ELAVL2: variants seen among roughly 807,000 people sequenced by gnomAD.
The protein encoded by ELAVL2 is ELAV like RNA binding protein 2, also known as ELAV-like protein 2.
Under a neutral mutation model 34.6 loss-of-function variants are expected in ELAVL2, and 4 were observed. The observed-to-expected ratio is 0.12, with a 90% CI of 0.06 to 0.26. The LOEUF is 0.26. ELAVL2 is among the 10% of genes least tolerant of loss of function. ELAVL2 has a pLI of 1.00. For missense variants in ELAVL2, 432 were observed against 442.8 expected, an observed-to-expected ratio of 0.98 and a Z score of 0.22; for synonymous variants, 193 against 154.8, an observed-to-expected ratio of 1.25 and a Z score of -1.83.
At chr9:23,766,200 A>T (rs762159622) in intron 1 of ELAVL2, among the ~76,000 whole-genome samples, 3 of 152,190 alleles carry the variant, frequency 2.0e-5, no homozygotes, top group Admixed American at 2.0e-4. Context: ...ATCTATCAAA[A>T]AGGATTAACA....
chr9:23,704,114 T>A (rs2038461139), intron 4 of ELAVL2, among the ~76,000 whole-genome samples: 1 of 122,100 alleles, frequency 8.2e-6, no homozygotes, highest in Non-Finnish European at 1.8e-5. Context: ...GTATTTTTAG[T>A]AGAGATGGGG....
intron 5 of ELAVL2, among the ~76,000 whole-genome samples, chr9:23,700,228 A>T (rs1328731786): frequency 1.3e-5 from 2 of 152,224 alleles, no homozygotes; most frequent in African/African-American, 4.8e-5. Context: ...AATTTTTAAA[A>T]ATCAGTGTGG....
chr9:23,791,951 A>G (rs776402075), intron 1 of ELAVL2, among the ~76,000 whole-genome samples: 13 of 152,268 alleles, frequency 8.5e-5, no homozygotes, highest in African/African-American at 1.2e-4. Flanking sequence ...CTGCCACCCA[A>G]TCTTTTCCTG....
intron 1 of ELAVL2, among the ~76,000 whole-genome samples, chr9:23,790,378 G>C (rs1361469159): frequency 6.6e-6 from 1 of 152,174 alleles, no homozygotes; most frequent in Non-Finnish European, 1.5e-5. Context: ...TTCCCAGTCT[G>C]TGACTGCACA....
At chr9:23,695,008 T>C (rs2132771220) in intron 5 of ELAVL2, among the ~76,000 whole-genome samples, 1 of 152,314 alleles carries the variant, frequency 6.6e-6, no homozygotes, top group African/African-American at 2.4e-5. Flanking sequence ...ATGGTCAACT[T>C]AGTCCAGAAT....
chr9:23,773,984 G>A lies in ELAVL2; in HGVS notation c.-15-11735C>T, dbSNP rs369006190. 1.4e-4 allele frequency among the ~76,000 whole-genome samples: 21 copies of A among 151,946 alleles called. No individual in the cohort carries two copies. The South Asian group carries it at 3.1e-3, about 23-fold the overall frequency. ...CCCTGCACTTTGGGAGGCCGAGGCGGGCAGATCACGAGGTCAGGATATCGA... is the reference window on the plus strand; with the variant it reads ...CCCTGCACTTTGGGAGGCCGAGGCGAGCAGATCACGAGGTCAGGATATCGA... On this transcript the variant is annotated intron_variant, in intron 1 of 6. Transcript: ENST00000397312.
At chr9:23,799,473 C>T (rs1754048) in intron 1 of ELAVL2, among the ~76,000 whole-genome samples, 10,269 of 152,256 alleles carry the variant, frequency 0.067, 1,107 homozygotes, top group African/African-American at 0.23. Context: ...ACTCTTACTC[C>T]ACCCCACCAC....
intron 1 of ELAVL2, among the ~76,000 whole-genome samples, chr9:23,778,557 T>C (rs1044986178): frequency 1.3e-5 from 2 of 152,146 alleles, no homozygotes; most frequent in African/African-American, 4.8e-5. Context: ...GCTCTCCCAA[T>C]ACAGCCTTAA....
Position 23,701,408 on chromosome 9 carries a change from T to C in ELAVL2, c.684A>G (p.Gly228=). 1.2e-6 allele frequency: 2 copies of C among 1,614,120 alleles called. No homozygotes were observed. Among genetic ancestry groups the C allele is most frequent in the South Asian group, 2.2e-5 (2 of 91,082 alleles). The change falls in exon 5 of 7, where the codon GGA becomes GGG. Residue 228 remains glycine, a synonymous_variant. Coordinates refer to ENST00000397312, the MANE Select transcript of ELAVL2 (RefSeq NM_004432.5). The stretch of plus-strand genomic sequence containing the variant: ...AACGCTGTGCCTGCTGAGCTAGCGG[T>C]CCTGGATACCTTCTGTTTGGAGACT... ...LYQSPNRRYP[G]PLAQQAQRFR...
chr9:23,722,632 T>G (rs936452847), intron 3 of ELAVL2, among the ~76,000 whole-genome samples: 1 of 152,176 alleles, frequency 6.6e-6, no homozygotes, highest in South Asian at 2.1e-4. Flanking sequence ...CAGTTTAACA[T>G]CAATAATGTG....
chr9:23,800,406 A>G (rs576291341), intron 1 of ELAVL2, among the ~76,000 whole-genome samples: 1 of 152,330 alleles, frequency 6.6e-6, no homozygotes, highest in South Asian at 2.1e-4. Context: ...GTAGTGCCCA[A>G]GAGCAGCTCT....
the ELAVL2 span, among the ~76,000 whole-genome samples, chr9:23,842,059 A>G: frequency 6.6e-6 from 1 of 152,170 alleles, no homozygotes; most frequent in African/African-American, 2.4e-5. Context: ...AAATCTACAG[A>G]AAATGCAGAA....
chr9:23,742,639 G>A (rs1371516471), intron 2 of ELAVL2, among the ~76,000 whole-genome samples: 1 of 152,178 alleles, frequency 6.6e-6, no homozygotes, highest in Non-Finnish European at 1.5e-5. Flanking sequence ...AATGTCCACT[G>A]TAATTCCTTT....
intron 1 of ELAVL2, among the ~76,000 whole-genome samples, chr9:23,789,137 A>T (rs2137134746): frequency 6.6e-6 from 1 of 152,236 alleles, no homozygotes; most frequent in African/African-American, 2.4e-5. Flanking sequence ...GACTCAGTAA[A>T]TGGGGAATAG....
rs371902766 is a variant in ELAVL2 at position 23,709,396 on chromosome 9, C to A, written c.334-4325G>T. ...AGGACTCACACTCTGGAGATCAAAT[C>A]AGTTACCAAACTAAATTTTGTATCT... On this transcript the variant is annotated intron_variant, in intron 3 of 6. Transcript: ENST00000397312. Among the ~76,000 whole-genome samples the A allele has an allele frequency of 3.9e-5, 6 of 152,246 alleles. No individual in the cohort carries two copies. In the South Asian group the frequency reaches 1.2e-3, roughly 32 times the overall value.
chr9:23,806,630 A>G (rs977987754), intron 1 of ELAVL2, among the ~76,000 whole-genome samples: 20 of 152,168 alleles, frequency 1.3e-4, no homozygotes, highest in Admixed American at 6.6e-5. Flanking sequence ...TAAAAAAAAA[A>G]ATCAGTAATA....
In ELAVL2 at chr9:23,772,230, T is replaced by C. The variant is rs567090607; in HGVS notation, c.-15-9981A>G. Among the ~76,000 whole-genome samples the C allele has an allele frequency of 2.6e-5, 4 of 152,216 alleles. 1 individual carries two copies. Among genetic ancestry groups the C allele is most frequent in the Admixed American group, 2.6e-4 (4 of 15,286 alleles). Reference sequence around the variant, plus strand: ...AAAGGCTGATTGGAAATCCTCAAATTAATCCCAGTAGTTGAGTGTTTTCAT... The same window carrying C: ...AAAGGCTGATTGGAAATCCTCAAATCAATCCCAGTAGTTGAGTGTTTTCAT... On this transcript the variant is annotated intron_variant, in intron 1 of 6. Coordinates refer to ENST00000397312, the MANE Select transcript of ELAVL2 (RefSeq NM_004432.5).
chr9:23,715,744 G>A (rs1041051696), intron 3 of ELAVL2, among the ~76,000 whole-genome samples: 47 of 152,072 alleles, frequency 3.1e-4, no homozygotes, highest in African/African-American at 1.1e-3. Flanking sequence ...GTATCTGAAT[G>A]TCTAGTATGC....
chr9:23,798,177 A>C (rs1376245589), intron 1 of ELAVL2, among the ~76,000 whole-genome samples: 1 of 152,228 alleles, frequency 6.6e-6, no homozygotes, highest in Non-Finnish European at 1.5e-5. Flanking sequence ...TCTAACTCAA[A>C]TGTGCCTAAA....
Sources: allele counts gnomAD v4.1 joint callset (sites outside exome capture counted in the v4.1 genomes callset), GRCh38; gene constraint gnomAD v4.1.1; transcripts MANE v1.5; gene names NCBI Gene and HGNC (gene_info 2026-07-23, HGNC 2026-07-21).